The following RND1 variants were observed in gnomAD, a reference collection of about 807,000 sequenced individuals.
RND1 encodes Rho family GTPase 1.
Under a neutral mutation model 27.1 loss-of-function variants are expected in RND1, and 9 were observed. That is an observed-to-expected ratio of 0.33 (90% confidence interval 0.20 to 0.58). RND1 has a LOEUF of 0.58. RND1 is among the 20% of genes least tolerant of loss of function. The pLI, the probability that RND1 is intolerant of heterozygous loss-of-function variation, is 0.86. For synonymous variants in RND1, 108 were observed against 115.7 expected, an observed-to-expected ratio of 0.93 and a Z score of 0.43; for missense variants, 253 against 292.2, an observed-to-expected ratio of 0.87 and a Z score of 0.98.
At chr12:48,861,510 G>T (rs1483058579) in intron 3 of RND1, among the ~76,000 whole-genome samples, 13 of 152,276 alleles carry the variant, frequency 8.5e-5, no homozygotes, top group African/African-American at 2.9e-4. Flanking sequence ...CTCAAGGGAA[G>T]AACATGATCC....
At chr12:48,865,447 CG>C (rs1159153497) in intron 1 of RND1, 200 bp downstream of exon 1, 2 of 608,564 alleles carry the variant, frequency 3.3e-6, no homozygotes, top group Middle Eastern at 3.1e-4. Flanking sequence ...GCCAGCGGGG[CG>C]GCAGAAGTGG....
rs908896684 is a variant in RND1, at chr12:48,865,843, A to G, written c.-76T>C. The G allele has an allele frequency of 1.1e-5, 17 of 1,515,242 alleles. No individual in the cohort carries two copies. The highest frequency in any genetic ancestry group is 1.4e-5 in the Non-Finnish European group (16 of 1,129,078). 93.9% of individuals were successfully genotyped at this position (1,515,242 alleles called of 1,614,324 possible). On this transcript the variant is annotated 5_prime_UTR_variant, in exon 1 of 5. Coordinates refer to ENST00000309739, the MANE Select transcript of RND1 (RefSeq NM_014470.4). ...CCAGGTGCGTCTCAGCACGCCAATC[A>G]AGCCAGATTCCCTGCCTCCCTCCAA...
intron 1 of RND1, 151 bp downstream of exon 1, chr12:48,865,497 A>C (rs777850994): frequency 1.1e-6 from 1 of 902,272 alleles, no homozygotes; most frequent in African/African-American, 1.6e-5. Flanking sequence ...GCAGTCCTCC[A>C]GCCAAAAAGC....
At chr12:48,865,270 CAG>C in intron 1 of RND1, 1 of 378,152 alleles carries the variant, frequency 2.6e-6, no homozygotes, top group Non-Finnish European at 5.0e-6. Flanking sequence ...CCTGAAGGCA[CAG>C]GCATAGAGCC....
Position 48,860,975 on chromosome 12 carries a change from ATGCACTTGCATGCGCACACACC to A in RND1, c.453_453+21del. 6.2e-7 allele frequency: 1 copy of A among 1,612,488 alleles called. No individual in the cohort carries two copies. Among genetic ancestry groups the A allele is most frequent in the Non-Finnish European group, 8.5e-7 (1 of 1,180,000 alleles). ...AGCCTTCCTCACTCCACCCCACGAC[ATGCACTTGCATGCGCACACACC>A]TGCTCATAGGAGATGGGCGCCTGCT... On this transcript the variant is annotated splice_donor_variant and splice_donor_5th_base_variant and coding_sequence_variant and intron_variant, in exon 4 of 5. Transcript: ENST00000309739. LOFTEE classifies it high-confidence loss of function.
intron 3 of RND1, among the ~76,000 whole-genome samples, chr12:48,861,553 G>A (rs578025331): frequency 6.6e-6 from 1 of 152,214 alleles, no homozygotes; most frequent in South Asian, 2.1e-4. Flanking sequence ...GATACACAAG[G>A]TTTCCTAGGA....
chr12:48,861,064 A>G lies in RND1; in HGVS notation c.386T>C (p.Leu129Pro). The change falls in exon 4 of 5, where the codon CTG (leucine) becomes CCG (proline). Residue 129 changes from leucine to proline, a missense_variant. Coordinates refer to ENST00000309739, the MANE Select transcript of RND1 (RefSeq NM_014470.4). ...CATCAGAGTACTCAGGTCTGTTCGC[A>G]GGTCTGTCTTGCAGCCAATGAGCAA... ...RVLLIGCKTD[L>P]RTDLSTLMEL... 6.2e-7 allele frequency: 1 copy of G among 1,614,150 alleles called. No homozygotes were observed. The highest frequency in any genetic ancestry group is 1.3e-5 in the African/African-American group (1 of 75,050).
rs2137511300 is a variant in RND1, at chr12:48,865,651, T to C, written c.117A>G (p.Pro39=). 5 of 1,613,058 alleles carry C rather than the reference T, an allele frequency of 3.1e-6. No homozygotes were observed. Among genetic ancestry groups the C allele is most frequent in the Admixed American group, 1.7e-5 (1 of 59,902 alleles). Residue 39 remains proline (P), a synonymous_variant, in exon 1 of 5, where the codon CCA becomes CCG. Transcript: ENST00000309739. ...MLQVLAKDCY[P]ETYVPTVFEN... is the part of the protein sequence containing the mutation. ...AGCGGGCGGGCGGGCAGCTCACCTCTGGATAGCAATCCTTCGCTAACACTT... is the reference window on the plus strand; with the variant it reads ...AGCGGGCGGGCGGGCAGCTCACCTCCGGATAGCAATCCTTCGCTAACACTT...
At chr12:48,864,928 A>G (rs1938967804) in intron 1 of RND1, 58 bp from the exon 2 acceptor site, 1 of 1,282,256 alleles carries the variant, frequency 7.8e-7, no homozygotes, top group African/African-American at 1.5e-5. Flanking sequence ...TCCCCTGGTT[A>G]GTGCTGGCTA....
intron 2 of RND1, 110 bp from the exon 3 acceptor site, chr12:48,862,228 A>G (rs923575704): frequency 3.1e-6 from 2 of 644,068 alleles, no homozygotes; most frequent in Admixed American, 2.9e-5. Context: ...GGATCCACCC[A>G]TCTCCCAGGG....
intron 4 of RND1, among the ~76,000 whole-genome samples, chr12:48,859,476 G>C (rs1934320105): frequency 1.3e-5 from 2 of 151,950 alleles, no homozygotes; most frequent in Admixed American, 6.6e-5. Flanking sequence ...GGAGGCAGAG[G>C]TTGCAGTGAG....
In RND1 at chr12:48,864,889, C is replaced by T; in HGVS notation, c.121-19G>A. On this transcript the variant is annotated intron_variant, in intron 1 of 4. Coordinates refer to ENST00000309739, the MANE Select transcript of RND1 (RefSeq NM_014470.4). ...CATAGGTCTGTGAAAAGAGAGGAAA[C>T]ATTCACCCCATGCACCCCTACCCTC... 2 of 1,568,986 alleles carry T rather than the reference C, an allele frequency of 1.3e-6. No homozygotes were observed. Among genetic ancestry groups the T allele is most frequent in the East Asian group, 2.2e-5 (1 of 44,658 alleles).
rs1040315878 is a variant in RND1, at chr12:48,857,806, C to T, written c.*190G>A. On this transcript the variant is annotated 3_prime_UTR_variant, in exon 5 of 5. Transcript: ENST00000309739. ...GCCTGGCTTGGGGTATGATGGTTCT[C>T]TCTCAGCGTCAGGTCCTCATGCCGG... is the stretch of plus-strand genomic sequence containing the variant. 3.3e-5 allele frequency: 19 copies of T among 573,180 alleles called. No individual in the cohort carries two copies. Among genetic ancestry groups the T allele is most frequent in the Non-Finnish European group, 5.1e-5 (18 of 352,046 alleles). 35.5% of individuals were successfully genotyped at this position (573,180 alleles called of 1,614,324 possible).
chr12:48,859,054 G>A (rs1356869795), intron 4 of RND1: 1 of 150,538 alleles, frequency 6.6e-6, no homozygotes, highest in Non-Finnish European at 1.5e-5. Flanking sequence ...TGCCTCCCGG[G>A]TTCACACCAT....
At position 48,857,938 on chromosome 12, in the gene RND1, G is replaced by A. The variant is rs1443730892; in HGVS notation, c.*58C>T. The A allele has an allele frequency of 1.0e-5, 16 of 1,529,732 alleles. No individual in the cohort carries two copies. In the Middle Eastern group the frequency reaches 5.3e-4, roughly 51 times the overall value. 94.8% of individuals were successfully genotyped at this position (1,529,732 alleles called of 1,614,324 possible). On this transcript the variant is annotated 3_prime_UTR_variant, in exon 5 of 5. Coordinates refer to ENST00000309739, the MANE Select transcript of RND1 (RefSeq NM_014470.4). ...AAATTGTCTCATCCTCCCTCTCCCC[G>A]TGCCTCTGCACCCCAAGGGAGGAAG... is the stretch of plus-strand genomic sequence containing the variant.
rs1217502727 is a variant in RND1 at position 48,861,086 on chromosome 12, G to A, written c.364C>T (p.Leu122Phe). The stretch of plus-strand genomic sequence containing the variant: ...CGCAGGTCTGTCTTGCAGCCAATGA[G>A]CAAAACGCGGGTGCTGGGACAATAA... ...LDYCPSTRVL[L>F]IGCKTDLRTD... is the part of the protein sequence containing the mutation. Residue 122 changes from leucine (L) to phenylalanine (F), a missense_variant, in exon 4 of 5, where the codon CTC becomes TTC. By Grantham distance (22) the Leu-to-Phe change is conservative (BLOSUM62 0). Transcript: ENST00000309739. 6.2e-7 allele frequency: 1 copy of A among 1,614,054 alleles called. No homozygotes were observed. The highest frequency in any genetic ancestry group is 8.5e-7 in the Non-Finnish European group (1 of 1,179,958).
At position 48,865,011 on chromosome 12, in the gene RND1, GA is replaced by G; in HGVS notation, c.121-142del. 4 of 715,370 alleles carry G rather than the reference GA, an allele frequency of 5.6e-6. No homozygotes were observed. The East Asian group carries it at 7.9e-5, about 14-fold the overall frequency. 44.3% of individuals were successfully genotyped at this position (715,370 alleles called of 1,614,324 possible). On this transcript the variant is annotated intron_variant, in intron 1 of 4. Transcript: ENST00000309739. ...CAGAGGAGATGCCTGGGGCAGGAGG[GA>G]AGGGACTGTGGAGGACCAGGCACTT...
At chr12:48,859,872 CT>C (rs1164006629) in intron 4 of RND1, among the ~76,000 whole-genome samples, 4 of 152,036 alleles carry the variant, frequency 2.6e-5, no homozygotes, top group Admixed American at 2.0e-4. Flanking sequence ...GCAGATCACA[CT>C]TTTTTTTCTT....
intron 4 of RND1, 85 bp downstream of exon 4, chr12:48,860,912 A>G: frequency 6.3e-7 from 1 of 1,584,048 alleles, no homozygotes; most frequent in African/African-American, 1.3e-5. Context: ...ATAGTGGAAG[A>G]ATTTGAGCCA....
Sources: allele counts gnomAD v4.1 joint callset (sites outside exome capture counted in the v4.1 genomes callset), GRCh38; gene constraint gnomAD v4.1.1; transcripts MANE v1.5; gene names NCBI Gene and HGNC (gene_info 2026-07-23, HGNC 2026-07-21).